Variants in PML observed in about 807,000 individuals in gnomAD.
PML encodes protein PML.
A neutral mutation model predicts 65.2 loss-of-function variants in PML; 28 were observed. That is an observed-to-expected ratio of 0.43 (90% CI 0.32 to 0.59). PML has a LOEUF of 0.59. PML is among the 20% of genes least tolerant of loss of function. PML has a pLI of 0.08. For synonymous variants in PML, 500 were observed against 508.8 expected (o/e 0.98, Z 0.23); for missense variants, 1,021 against 1,203.4 (o/e 0.85, Z 2.24).
Position 74,044,755 on chromosome 15 carries a change from C to A in PML, c.2396C>A (p.Ala799Asp). ...VLPRAEARLL[A>D]LHNVSFMELL... Reference sequence around the variant, plus strand: ...CCCCGGGCTGAGGCCCGCCTCCTGGCCCTACACAACGTGAGCTTCATGGAG... The same window carrying A: ...CCCCGGGCTGAGGCCCGCCTCCTGGACCTACACAACGTGAGCTTCATGGAG... Residue 799 changes from alanine (A) to aspartate (D), a missense_variant, in exon 9 of 9, where the codon GCC (alanine) becomes GAC (aspartate). Physicochemically the swap from Ala to Asp is moderately radical, Grantham distance 126. Transcript: ENST00000268058. 6.2e-7 allele frequency: 1 copy of A among 1,612,650 alleles called. No homozygotes were observed.
In PML at chr15:74,032,733, C is replaced by T; in HGVS notation, c.1398+18C>T. On this transcript the variant is annotated intron_variant, in intron 5 of 8. Coordinates refer to ENST00000268058, the MANE Select transcript of PML (RefSeq NM_033238.3). ...ATGGAGAGGTAAGGTTCTCCCCAGC[C>T]CCAGCCTTCCCTCCTGAAGGCCTGA... The T allele has an allele frequency of 1.9e-6, 3 of 1,613,806 alleles. No homozygotes were observed. The highest frequency in any genetic ancestry group is 2.5e-6 in the Non-Finnish European group (3 of 1,179,700).
intron 4 of PML, among the ~76,000 whole-genome samples, chr15:74,029,187 T>C (rs1273643795): frequency 6.6e-6 from 1 of 152,122 alleles, no homozygotes; most frequent in Admixed American, 6.5e-5. Context: ...CTCTCTCTCT[T>C]TTTTTCTTAA....
At position 74,044,370 on chromosome 15, in the gene PML, C is replaced by T. The variant is rs746444712; in HGVS notation, c.2011C>T (p.Arg671Cys). 4 of 1,614,108 alleles carry T rather than the reference C, an allele frequency of 2.5e-6. No individual in the cohort carries two copies. Among genetic ancestry groups the T allele is most frequent in the South Asian group, 1.1e-5 (1 of 91,090 alleles). ...CCTCAGCTTTCTGAGCTCCATGCGC[C>T]GCCCTATCTTGGCCTGCTACAAGCT... is the stretch of plus-strand genomic sequence containing the variant. ...HFLSFLSSMR[R>C]PILACYKLWG... The change falls in exon 9 of 9, where the codon CGC (arginine) becomes TGC (cysteine). Residue 671 changes from arginine (R) to cysteine (C), a missense_variant. Physicochemically the swap from Arg to Cys is radical, Grantham distance 180 (BLOSUM62 -3). Coordinates refer to ENST00000268058, the MANE Select transcript of PML (RefSeq NM_033238.3).
chr15:74,034,855 G>T, intron 7 of PML: 1 of 1,438,192 alleles, frequency 7.0e-7, no homozygotes, highest in South Asian at 1.5e-5. Context: ...CCTCAGTGAG[G>T]AGGGCTGGAC....
At chr15:74,034,927 G>A (rs2071476842) in intron 7 of PML, 4 of 1,445,150 alleles carry the variant, frequency 2.8e-6, no homozygotes, top group Non-Finnish European at 3.6e-6. Context: ...TCAGGCCACA[G>A]GGCAGCTATA....
Position 74,037,452 on chromosome 15 carries a change from T to C in PML, c.1710+2922T>C. 1 of 985,396 alleles carries C rather than the reference T, an allele frequency of 1.0e-6. No homozygotes were observed. Among genetic ancestry groups the C allele is most frequent in the Non-Finnish European group, 1.2e-6 (1 of 829,910 alleles). The allele number at this position is 985,396 out of a possible 1,614,324, so 61.0% of individuals were successfully genotyped here. A position where few individuals can be genotyped will look rare whatever the true frequency, so the allele number is the denominator to read the frequency against. Reference sequence around the variant, plus strand: ...CTCTTGCATCTTCTAATGTATCCACTGCCTTCTGAACTAAACACCCTGAAT... The same window carrying C: ...CTCTTGCATCTTCTAATGTATCCACCGCCTTCTGAACTAAACACCCTGAAT... On this transcript the variant is annotated intron_variant, in intron 7 of 8. Coordinates refer to ENST00000268058, the MANE Select transcript of PML (RefSeq NM_033238.3). The surrounding 1 kb of genome is among the most constrained non-coding windows in gnomAD (Gnocchi z 4.2).
chr15:73,999,615 CTGT>C (rs776833941), intron 2 of PML, among the ~76,000 whole-genome samples: 31 of 151,914 alleles, frequency 2.0e-4, no homozygotes, highest in African/African-American at 6.5e-4. Context: ...GGTCCTTTGC[CTGT>C]TGTTGTTGTT....
chr15:74,031,263 T>A (rs80344031), intron 4 of PML: 35,933 of 443,702 alleles, frequency 0.081, 1,940 homozygotes, highest in East Asian at 0.19. Context: ...TTTCTTTTTT[T>A]AAAAAAATTT....
intron 2 of PML, among the ~76,000 whole-genome samples, chr15:74,003,714 C>T (rs1054395837): frequency 5.9e-5 from 9 of 152,172 alleles, no homozygotes; most frequent in East Asian, 1.9e-4. Context: ...CATATTACAA[C>T]GCACTTGTTA....
chr15:73,998,659 C>G lies in PML; in HGVS notation c.602+183C>G, dbSNP rs537792968. Reference sequence around the variant, plus strand: ...CCACAATTTATGCTGCCAGTCCCCACGCAGGTGGATAGTAAGTTTCCAGTT... The same window carrying G: ...CCACAATTTATGCTGCCAGTCCCCAGGCAGGTGGATAGTAAGTTTCCAGTT... On this transcript the variant is annotated intron_variant, in intron 2 of 8. Transcript: ENST00000268058. 9.9e-4 allele frequency among the ~76,000 whole-genome samples: 151 copies of G among 152,328 alleles called. 1 individual carries two copies. The highest frequency in any genetic ancestry group is 3.4e-3 in the Middle Eastern group (1 of 294).
intron 4 of PML, 87 bp downstream of exon 4, chr15:74,025,014 G>GTCAGGCAGGTTGTGAGTCCTGCTGTCCCT: frequency 1.1e-6 from 1 of 883,072 alleles, no homozygotes; most frequent in Non-Finnish European, 1.9e-6. Context: ...GTGTGTGCAG[G>GTCAGGCAGGTTGTGAGTCCTGCTGTCCCT]GAGAGCGTCT....
intron 2 of PML, among the ~76,000 whole-genome samples, chr15:74,007,700 C>T (rs1333163830): frequency 1.3e-5 from 2 of 151,998 alleles, no homozygotes; most frequent in African/African-American, 4.8e-5. Flanking sequence ...GGGTGGCTGC[C>T]CTGGGGCCAT....
chr15:74,039,039 G>A (rs1479228476), intron 7 of PML, among the ~76,000 whole-genome samples: 2 of 152,206 alleles, frequency 1.3e-5, no homozygotes, highest in East Asian at 3.9e-4. Flanking sequence ...GAAAAGATAG[G>A]TGTTTTCACC....
chr15:74,033,658 T>C lies in PML; in HGVS notation c.1657+244T>C, dbSNP rs762681967. On this transcript the variant is annotated intron_variant, in intron 6 of 8. Coordinates refer to ENST00000268058, the MANE Select transcript of PML (RefSeq NM_033238.3). ...CTAAAATGCACAGTTCTATGAGTCC[T>C]TTCTCCCAAACACTACTGTGCCTTT... The C allele has an allele frequency of 4.5e-6, 3 of 672,360 alleles. No individual in the cohort carries two copies. The South Asian group carries it at 4.7e-5, about 11-fold the overall frequency. The allele number at this position is 672,360 out of a possible 1,614,324, so 41.6% of individuals were successfully genotyped here. A position where few individuals can be genotyped will look rare whatever the true frequency, so the allele number is the denominator to read the frequency against.
In PML at chr15:73,998,397, C is replaced by A; in HGVS notation, c.523C>A (p.Arg175Ser). ...AGCAGAGCTGCGCAACCAGTCGGTG[C>A]GTGAGTTCCTGGACGGCACCCGCAA... Reference protein sequence around the residue: ...PLAELRNQSVREFLDGTRKTN... With the variant: ...PLAELRNQSVSEFLDGTRKTN... Residue 175 changes from arginine (R) to serine (S), a missense_variant, in exon 2 of 9, where the codon CGT becomes AGT. Transcript: ENST00000268058. The A allele has an allele frequency of 1.2e-6, 2 of 1,614,052 alleles. No homozygotes were observed. Among genetic ancestry groups the A allele is most frequent in the Non-Finnish European group, 8.5e-7 (1 of 1,179,934 alleles).
At chr15:73,997,146 C>G (rs908251705) in intron 1 of PML, among the ~76,000 whole-genome samples, 1 of 152,222 alleles carries the variant, frequency 6.6e-6, no homozygotes, top group African/African-American at 2.4e-5. Flanking sequence ...AAGCAACCAA[C>G]CAGACGTACT....
Position 74,043,364 on chromosome 15 carries a change from G to A in PML, c.1861+225G>A. ...TCCAGTGCCTGAGTGTGCGAGAGAG[G>A]CAGATGCCTCCACAAGTGCACCTCT... On this transcript the variant is annotated intron_variant, in intron 8 of 8. Transcript: ENST00000268058. This position sits in a 1 kb window ranked among gnomAD's most constrained non-coding sequence, Gnocchi z 4.3. 1 of 1,440,534 alleles carries A rather than the reference G, an allele frequency of 6.9e-7. No homozygotes were observed. Among genetic ancestry groups the A allele is most frequent in the East Asian group, 2.5e-5 (1 of 40,134 alleles). The allele number at this position is 1,440,534 out of a possible 1,614,324, so 89.2% of individuals were successfully genotyped here. A position where few individuals can be genotyped will look rare whatever the true frequency, so the allele number is the denominator to read the frequency against.
At chr15:74,039,406 C>A (rs2071647821) in intron 7 of PML, among the ~76,000 whole-genome samples, 1 of 152,200 alleles carries the variant, frequency 6.6e-6, no homozygotes, top group Admixed American at 6.5e-5. Context: ...ATGTGTCTTG[C>A]CAAACTGATC....
intron 7 of PML, among the ~76,000 whole-genome samples, chr15:74,041,833 A>T (rs2141894959): frequency 6.6e-6 from 1 of 152,338 alleles, no homozygotes; most frequent in East Asian, 1.9e-4. Flanking sequence ...AGGCTTTAGC[A>T]CCAGGTGACA....
Sources: allele counts gnomAD v4.1 joint callset (sites outside exome capture counted in the v4.1 genomes callset), GRCh38; gene constraint gnomAD v4.1.1; non-coding constraint Gnocchi (gnomAD v3.1); transcripts MANE v1.5; gene names NCBI Gene and HGNC (gene_info 2026-07-23, HGNC 2026-07-21).